Variants in IL1RL2 observed in about 807,000 individuals in gnomAD.
IL1RL2 encodes interleukin 1 receptor like 2.
A neutral mutation model predicts 66.8 loss-of-function variants in IL1RL2; 68 were observed. The ratio of observed to expected loss-of-function variants is 1.02; its 90% CI spans 0.84 to 1.25. The LOEUF (loss-of-function observed/expected upper bound fraction) is 1.25. Ranked by LOEUF, IL1RL2 falls within the 50% of genes most tolerant of loss-of-function variation. IL1RL2 has a pLI of 0.00. For synonymous variants in IL1RL2, 305 were observed against 264.6 expected (o/e 1.15, Z -1.48); for missense variants, 729 against 709.3 (o/e 1.03, Z -0.32).
intron 10 of IL1RL2, among the ~76,000 whole-genome samples, chr2:102,233,891 T>C (rs774913334): frequency 6.6e-6 from 1 of 152,176 alleles, no homozygotes; most frequent in Non-Finnish European, 1.5e-5. Flanking sequence ...TAAATGCCAA[T>C]TCACTCACTT....
At chr2:102,202,935 A>G (rs1412210098) in intron 5 of IL1RL2, among the ~76,000 whole-genome samples, 1 of 152,202 alleles carries the variant, frequency 6.6e-6, no homozygotes, top group Non-Finnish European at 1.5e-5. Flanking sequence ...CAGTGTTGAC[A>G]GTGGGCATCC....
downstream of IL1RL2, among the ~76,000 whole-genome samples, chr2:102,240,526 G>A (rs190470355): frequency 1.4e-4 from 21 of 151,890 alleles, no homozygotes; most frequent in Middle Eastern, 3.4e-3. Flanking sequence ...ATGCACACAC[G>A]GAATGGAAAA....
At chr2:102,188,101 CT>C (rs2104693969) in intron 2 of IL1RL2, among the ~76,000 whole-genome samples, 176 bp downstream of exon 2, 1 of 152,338 alleles carries the variant, frequency 6.6e-6, no homozygotes, top group African/African-American at 2.4e-5. Context: ...TGCTCGGATG[CT>C]CAGCCCTGAA....
chr2:102,216,862 T>A (rs541519501), intron 6 of IL1RL2, among the ~76,000 whole-genome samples: 25 of 152,326 alleles, frequency 1.6e-4, no homozygotes, highest in African/African-American at 6.0e-4. Context: ...TGACTTTTAT[T>A]GTCCCCCTAA....
intron 6 of IL1RL2, among the ~76,000 whole-genome samples, chr2:102,216,619 A>G (rs1270135793): frequency 2.6e-5 from 4 of 151,876 alleles, no homozygotes; most frequent in Non-Finnish European, 5.9e-5. Flanking sequence ...ACATTTTGTT[A>G]TTTGTATTCT....
At chr2:102,234,011 A>G (rs1453234893) in intron 10 of IL1RL2, among the ~76,000 whole-genome samples, 3 of 152,100 alleles carry the variant, frequency 2.0e-5, no homozygotes, top group Non-Finnish European at 4.4e-5. Context: ...GTTCCAGTCT[A>G]TTCTTATTTC....
chr2:102,208,681 C>T (rs1011041063), intron 5 of IL1RL2, among the ~76,000 whole-genome samples: 1 of 152,228 alleles, frequency 6.6e-6, no homozygotes, highest in African/African-American at 2.4e-5. Flanking sequence ...CTCCCTGCTG[C>T]CTATGCAGGA....
chr2:102,231,646 A>AGAG (rs1264438348), intron 9 of IL1RL2, among the ~76,000 whole-genome samples: 1 of 151,610 alleles, frequency 6.6e-6, no homozygotes, highest in African/African-American at 2.4e-5. Context: ...GTCGCCTCGT[A>AGAG]GAGTCTTGTG....
At chr2:102,202,550 C>T (rs35166578) in intron 5 of IL1RL2, among the ~76,000 whole-genome samples, 2,131 of 151,868 alleles carry the variant, frequency 0.014, 55 homozygotes, top group African/African-American at 0.049. Flanking sequence ...TTATAGAGAT[C>T]TTTCACTTCT....
At chr2:102,210,031 G>A (rs549950112) in intron 5 of IL1RL2, among the ~76,000 whole-genome samples, 2 of 141,958 alleles carry the variant, frequency 1.4e-5, no homozygotes, top group South Asian at 4.8e-4. Context: ...TGTAATTATA[G>A]GGAAGATGAA....
rs759972140 is a variant in IL1RL2 at position 102,234,877 on chromosome 2, C to G, written c.1298-20C>G. The G allele has an allele frequency of 1.1e-5, 17 of 1,600,160 alleles. No homozygotes were observed. The highest frequency in any genetic ancestry group is 1.3e-5 in the African/African-American group (1 of 74,566). ...TGTTTTAATTGTGAGTTCTTCTGAGCCTTCTTTCTTTATTTCCAGCCGTGG... is the reference window on the plus strand; with the variant it reads ...TGTTTTAATTGTGAGTTCTTCTGAGGCTTCTTTCTTTATTTCCAGCCGTGG... On this transcript the variant is annotated intron_variant, in intron 10 of 11. Coordinates refer to ENST00000264257, the MANE Select transcript of IL1RL2 (RefSeq NM_003854.4).
intron 11 of IL1RL2, 143 bp from the exon 12 acceptor site, chr2:102,239,049 A>T: frequency 3.0e-6 from 2 of 667,576 alleles, no homozygotes; most frequent in Non-Finnish European, 2.7e-6. Context: ...AGATAACCCA[A>T]GAGAAATGGA....
chr2:102,238,234 C>A (rs770849490), intron 11 of IL1RL2, among the ~76,000 whole-genome samples: 62 of 152,142 alleles, frequency 4.1e-4, no homozygotes, highest in Non-Finnish European at 7.5e-4. Context: ...CATTCACCTT[C>A]CCATAATGAC....
Position 102,235,164 on chromosome 2 carries a change from A to G in IL1RL2, c.1565A>G (p.Gln522Arg). 6.2e-7 allele frequency: 1 copy of G among 1,614,230 alleles called. No homozygotes were observed. The highest frequency in any genetic ancestry group is 8.5e-7 in the Non-Finnish European group (1 of 1,180,040). ...CATGGGGACTTCACGGAGCAGTCAC[A>G]GTGTATGAAGACCAAGTTTTGGAAG... The part of the protein sequence containing the change: ...RWHGDFTEQS[Q>R]CMKTKFWKTV... Residue 522 changes from glutamine to arginine, a missense_variant, in exon 11 of 12, where the codon CAG becomes CGG. By Grantham distance (43) the Gln-to-Arg change is conservative. Coordinates refer to ENST00000264257, the MANE Select transcript of IL1RL2 (RefSeq NM_003854.4).
chr2:102,210,309 A>G (rs1689056493), intron 5 of IL1RL2, among the ~76,000 whole-genome samples: 1 of 152,138 alleles, frequency 6.6e-6, no homozygotes, highest in Non-Finnish European at 1.5e-5. Flanking sequence ...GAGGTTGGGT[A>G]AGTAGTCGGG....
intron 4 of IL1RL2, among the ~76,000 whole-genome samples, 154 bp downstream of exon 4, chr2:102,192,274 T>C (rs527809587): frequency 2.0e-3 from 305 of 152,372 alleles, no homozygotes; most frequent in Non-Finnish European, 3.5e-3. Flanking sequence ...TAACGTTACC[T>C]TCCTAATTAC....
Position 102,187,862 on chromosome 2 carries a change from T to A in IL1RL2, c.-6T>A. 1 of 1,613,978 alleles carries A rather than the reference T, an allele frequency of 6.2e-7. No homozygotes were observed. Among genetic ancestry groups the A allele is most frequent in the South Asian group, 1.1e-5 (1 of 91,074 alleles). ...TCTTCTCCCTTCCTTGCAGCCCGGTTTGGGGATGTGGTCCTTGCTGCTCTG... is the reference window on the plus strand; with the variant it reads ...TCTTCTCCCTTCCTTGCAGCCCGGTATGGGGATGTGGTCCTTGCTGCTCTG... On this transcript the variant is annotated 5_prime_UTR_variant, in exon 2 of 12. The change creates a new upstream start codon in the 5' untranslated region. Transcript: ENST00000264257.
Position 102,192,015 on chromosome 2 carries a change from A to G in IL1RL2, c.384A>G (p.Leu128=), listed in dbSNP as rs946983672. The change falls in exon 4 of 12, where the codon TTA becomes TTG. Residue 128 remains leucine, a synonymous_variant. Transcript: ENST00000264257. ...CTTCCATAGGTGGTTTACCAAATTT[A>G]TCAGATGAGTACAAGCAAATATTAC... ...CDTSIGGLPN[L]SDEYKQILHL... is the part of the protein sequence containing the mutation. The G allele has an allele frequency of 6.2e-6, 10 of 1,613,046 alleles. No individual in the cohort carries two copies. In the East Asian group the frequency reaches 2.0e-4, roughly 32 times the overall value.
rs141568884 is a variant in IL1RL2 at position 102,212,520 on chromosome 2, G to A, written c.724+346G>A. Among the ~76,000 whole-genome samples the A allele has an allele frequency of 5.2e-3, 792 of 151,994 alleles. 7 individuals are homozygous for A. Among genetic ancestry groups the A allele is most frequent in the African/African-American group, 0.018 (755 of 41,410 alleles). ...TTAAATAATGTTGACCAGGAGTTCT[G>A]GATTATATTACCTCACAATGCAAGA... On this transcript the variant is annotated intron_variant, in intron 6 of 11. Coordinates refer to ENST00000264257, the MANE Select transcript of IL1RL2 (RefSeq NM_003854.4).
Sources: allele counts gnomAD v4.1 joint callset (sites outside exome capture counted in the v4.1 genomes callset), GRCh38; gene constraint gnomAD v4.1.1; transcripts MANE v1.5; gene names NCBI Gene and HGNC (gene_info 2026-07-23, HGNC 2026-07-21).